DNAH10: variants seen among roughly 807,000 people sequenced by gnomAD.
DNAH10 encodes dynein axonemal heavy chain 10, also known as axonemal beta dynein heavy chain 10.
In DNAH10, 348 loss-of-function variants were observed where a neutral mutation model predicts 506.6. The observed-to-expected ratio is 0.69, with a 90% CI of 0.63 to 0.75. The LOEUF (loss-of-function observed/expected upper bound fraction) is 0.75, where lower values mean the gene tolerates loss of function less well. DNAH10 is among the 30% of genes least tolerant of loss of function. The probability of loss-of-function intolerance (pLI) is 0.00; values close to 1 mark genes in which losing one functional copy is unlikely to be tolerated. For missense variants in DNAH10, 5,179 were observed against 5,787.1 expected (o/e 0.89, Z 3.41); for synonymous variants, 2,059 against 2,198.6 (o/e 0.94, Z 1.78).
At chr12:123,848,619 C>T in intron 33 of DNAH10, 111 bp from the exon 34 acceptor site, 1 of 1,420,342 alleles carries the variant, frequency 7.0e-7, no homozygotes, top group African/African-American at 1.4e-5. Flanking sequence ...TGCTTCTCTG[C>T]CAATCAGTGA....
At chr12:123,854,069 GTTTTTTTT>G (rs10648649) in intron 36 of DNAH10, among the ~76,000 whole-genome samples, 6 of 117,030 alleles carry the variant, frequency 5.1e-5, no homozygotes, top group African/African-American at 1.6e-4. Context: ...ACACATTTGG[GTTTTTTTT>G]TTTTTTTTTT....
rs1014847428 is a variant in DNAH10, at chr12:123,909,889, T to A, written c.9997+447T>A. Among the ~76,000 whole-genome samples, 2 of 152,136 alleles carry A rather than the reference T, an allele frequency of 1.3e-5. No individual in the cohort carries two copies. The highest frequency in any genetic ancestry group is 1.5e-5 in the Non-Finnish European group (1 of 68,020). On this transcript the variant is annotated intron_variant, in intron 58 of 78. Transcript: ENST00000673944. This position sits in a 1 kb window ranked among gnomAD's most constrained non-coding sequence, Gnocchi z 5.4. The stretch of plus-strand genomic sequence containing the variant: ...GGAGTGGGCATGGGGGTGGGCAGCA[T>A]CACTGATGGCCAGCCTCTCCTCCAT...
intron 65 of DNAH10, chr12:123,922,860 T>C (rs574763318): frequency 6.6e-6 from 1 of 152,186 alleles, no homozygotes; most frequent in Non-Finnish European, 1.5e-5. Flanking sequence ...TAATCACCTA[T>C]TTAAAGACCC....
At position 123,894,350 on chromosome 12, in the gene DNAH10, G is replaced by A. The variant is rs113355516; in HGVS notation, c.9200-293G>A. On this transcript the variant is annotated intron_variant, in intron 53 of 78. Coordinates refer to ENST00000673944, the MANE Select transcript of DNAH10 (RefSeq NM_001372106.1). ...TGGCTCACCACAACCTCCACCTCTC[G>A]GGTTCAAGCGATTCTCTCACCTCAG... Among the ~76,000 whole-genome samples, 4,280 of 151,962 alleles carry A rather than the reference G, an allele frequency of 0.028. 153 individuals carry two copies. Among genetic ancestry groups the A allele is most frequent in the East Asian group, 0.17 (896 of 5,146 alleles).
chr12:123,879,028 T>G (rs1344801840), intron 48 of DNAH10, among the ~76,000 whole-genome samples: 1 of 152,252 alleles, frequency 6.6e-6, no homozygotes, highest in Non-Finnish European at 1.5e-5. Context: ...GCTCTTTTTT[T>G]CTTTCCTACA....
chr12:123,793,839 A>T, intron 11 of DNAH10, 103 bp from the exon 12 acceptor site: 2 of 949,350 alleles, frequency 2.1e-6, no homozygotes, highest in Non-Finnish European at 2.7e-6. Flanking sequence ...ATGCCATAGA[A>T]ATCTGTCCCA....
At chr12:123,786,892 C>G (rs984767986) in intron 9 of DNAH10, among the ~76,000 whole-genome samples, 1 of 152,028 alleles carries the variant, frequency 6.6e-6, no homozygotes, top group African/African-American at 2.4e-5. Flanking sequence ...AATTCCAGCA[C>G]TTTGGGAGGC....
Position 123,875,218 on chromosome 12 carries a change from A to G in DNAH10, c.7939-13A>G, listed in dbSNP as rs770811062. ...ATACTACTGTTCTCTTTTCTTTTTT[A>G]AAAAAAATCAAGGTGGATGAATATG... On this transcript the variant is annotated splice_polypyrimidine_tract_variant and intron_variant, in intron 46 of 78. Transcript: ENST00000673944. The G allele has an allele frequency of 5.7e-5, 91 of 1,594,338 alleles. No homozygotes were observed. Among genetic ancestry groups the G allele is most frequent in the Middle Eastern group, 1.7e-4 (1 of 6,044 alleles).
At chr12:123,847,490 A>G (rs1360606187) in intron 32 of DNAH10, among the ~76,000 whole-genome samples, 1 of 152,150 alleles carries the variant, frequency 6.6e-6, no homozygotes, top group African/African-American at 2.4e-5. Context: ...TGAGAGAGCC[A>G]ATAGTGTAGA....
At chr12:123,795,618 C>A (rs1198100644) in intron 12 of DNAH10, among the ~76,000 whole-genome samples, 1 of 152,190 alleles carries the variant, frequency 6.6e-6, no homozygotes, top group Non-Finnish European at 1.5e-5. Context: ...GATAATTTAT[C>A]TATTTTAAGA....
intron 18 of DNAH10, among the ~76,000 whole-genome samples, chr12:123,806,223 T>C (rs1212257977): frequency 6.6e-6 from 1 of 152,260 alleles, no homozygotes; most frequent in Non-Finnish European, 1.5e-5. Context: ...GTGGCCTAAA[T>C]GCAGCAAGTG....
At chr12:123,921,690 A>ATTTTTTTTTTTT (rs1566107321) in intron 65 of DNAH10, among the ~76,000 whole-genome samples, 2 of 98,234 alleles carry the variant, frequency 2.0e-5, no homozygotes, top group African/African-American at 8.0e-5. Context: ...TGTAGCTTGC[A>ATTTTTTTTTTTT]GTTTTTTTTT....
chr12:123,913,246 C>T lies in DNAH10; in HGVS notation c.10283C>T (p.Ala3428Val), dbSNP rs1363135042. Reference protein sequence around the residue: ...ILEKQKLQEEAEIMERRLIAA... With the variant: ...ILEKQKLQEEVEIMERRLIAA... ...GAAAAGCAGAAGCTGCAGGAAGAAGCCGAGATCATGGAGAGGCGGCTGATT... is the reference window on the plus strand; with the variant it reads ...GAAAAGCAGAAGCTGCAGGAAGAAGTCGAGATCATGGAGAGGCGGCTGATT... The change falls in exon 60 of 79, where the codon GCC becomes GTC. Residue 3428 changes from alanine to valine, a missense_variant. Physicochemically the swap from Ala to Val is moderately conservative, Grantham distance 64 (BLOSUM62 0). This residue lies in a region of DNAH10 where 4,844 missense variants were observed against 5,430.5 expected (regional missense o/e 0.89). Coordinates refer to ENST00000673944, the MANE Select transcript of DNAH10 (RefSeq NM_001372106.1). The surrounding 1 kb of genome is among the most constrained non-coding windows in gnomAD (Gnocchi z 5.1). 2 of 1,609,156 alleles carry T rather than the reference C, an allele frequency of 1.2e-6. No individual in the cohort carries two copies. Among genetic ancestry groups the T allele is most frequent in the Non-Finnish European group, 1.7e-6 (2 of 1,177,896 alleles).
chr12:123,805,418 A>G (rs1021994851), intron 18 of DNAH10, among the ~76,000 whole-genome samples: 3 of 152,156 alleles, frequency 2.0e-5, no homozygotes. Context: ...GTCAGCCCCT[A>G]GTTAGCGCGG....
chr12:123,933,320 CTT>C lies in DNAH10; in HGVS notation c.13297-10_13297-9del. On this transcript the variant is annotated splice_polypyrimidine_tract_variant and intron_variant, in intron 76 of 78. Coordinates refer to ENST00000673944, the MANE Select transcript of DNAH10 (RefSeq NM_001372106.1). ...CCCAGGCTCCCAGCACTTGTCCTCT[CTT>C]CTCTCCAGGTGACCGAGAGCGAGCC... The C allele has an allele frequency of 2.0e-6, 3 of 1,528,552 alleles. No homozygotes were observed. The highest frequency in any genetic ancestry group is 1.2e-5 in the South Asian group (1 of 80,496). 94.7% of individuals were successfully genotyped at this position (1,528,552 alleles called of 1,614,324 possible). A position where few individuals can be genotyped will look rare whatever the true frequency, so the allele number is the denominator to read the frequency against.
At position 123,931,562 on chromosome 12, in the gene DNAH10, G is replaced by A; in HGVS notation, c.12917-74G>A. 3.1e-6 allele frequency: 5 copies of A among 1,606,478 alleles called. 1 individual carries two copies. The South Asian group carries it at 5.5e-5, about 18-fold the overall frequency. ...TCCCACGTTGCTGATGCCTTTCCCA[G>A]AACTGGAAGGCTCAGGAGGCTCCGG... On this transcript the variant is annotated intron_variant, in intron 74 of 78. Transcript: ENST00000673944.
In DNAH10 at chr12:123,902,828, C is replaced by G; in HGVS notation, c.9641-111C>G. On this transcript the variant is annotated intron_variant, in intron 56 of 78. Transcript: ENST00000673944. This position sits in a 1 kb window ranked among gnomAD's most constrained non-coding sequence, Gnocchi z 4.5. ...CCACATTGGCCAGAGCCCCTTAGAT[C>G]CCCGCTAGGGCTCAAGCCAACCTTT... 1 of 1,353,306 alleles carries G rather than the reference C, an allele frequency of 7.4e-7. No individual in the cohort carries two copies. Among genetic ancestry groups the G allele is most frequent in the Non-Finnish European group, 9.9e-7 (1 of 1,014,562 alleles). The allele number at this position is 1,353,306 out of a possible 1,614,324, so 83.8% of individuals were successfully genotyped here.
chr12:123,849,787 C>A (rs374774451), intron 34 of DNAH10, among the ~76,000 whole-genome samples: 1 of 152,208 alleles, frequency 6.6e-6, no homozygotes, highest in East Asian at 1.9e-4. Context: ...ATCTCACATG[C>A]GTCCTCCTCA....
Position 123,914,875 on chromosome 12 carries a change from C to T in DNAH10, c.10598C>T (p.Pro3533Leu), listed in dbSNP as rs959963934. Residue 3533 changes from proline (P) to leucine (L), a missense_variant, in exon 62 of 79, where the codon CCC becomes CTC. Physicochemically the swap from Pro to Leu is moderately conservative, Grantham distance 98 (BLOSUM62 -3). This residue lies in a region of DNAH10 where 4,844 missense variants were observed against 5,430.5 expected (regional missense o/e 0.89). Transcript: ENST00000673944. ...AGATGGGGATCCCAGGGCCTTCCCCCCGATGAGCTCTCCGTTCAGAATGGC... is the reference window on the plus strand; with the variant it reads ...AGATGGGGATCCCAGGGCCTTCCCCTCGATGAGCTCTCCGTTCAGAATGGC... ...ISRWGSQGLP[P>L]DELSVQNGIL... 3.1e-6 allele frequency: 5 copies of T among 1,613,662 alleles called. No individual in the cohort carries two copies. The highest frequency in any genetic ancestry group is 2.5e-6 in the Non-Finnish European group (3 of 1,179,808).
Sources: gnomAD v4.1 joint callset for allele counts (sites outside exome capture counted in the v4.1 genomes callset) on GRCh38, gnomAD v4.1.1 for gene constraint, gnomAD v4.1.1 regional missense constraint, Gnocchi (gnomAD v3.1) non-coding constraint, MANE v1.5 for transcripts, NCBI Gene and HGNC (gene_info 2026-07-23, HGNC 2026-07-21) for gene names.